PHLDB3: variants seen among roughly 807,000 people sequenced by gnomAD.
PHLDB3 encodes the protein pleckstrin homology like domain family B member 3.
In PHLDB3, 86 loss-of-function variants were observed where a neutral mutation model predicts 85.7. The observed-to-expected ratio is 1.00, with a 90% CI of 0.84 to 1.20. PHLDB3 has a LOEUF of 1.20. Ranked by LOEUF, PHLDB3 falls within the 50% of genes most tolerant of loss-of-function variation. PHLDB3 has a pLI of 0.00. For synonymous variants in PHLDB3, 376 were observed against 349.8 expected (o/e 1.07, Z -0.83); for missense variants, 995 against 873.0 (o/e 1.14, Z -1.76).
intron 4 of PHLDB3, among the ~76,000 whole-genome samples, chr19:43,500,796 G>T (rs1027873690): frequency 6.6e-6 from 1 of 151,560 alleles, no homozygotes; most frequent in Non-Finnish European, 1.5e-5. Flanking sequence ...CACCATGCCT[G>T]GTTAATTTTT....
chr19:43,477,952 G>A (rs573618729), intron 15 of PHLDB3, 95 bp downstream of exon 15: 22 of 885,712 alleles, frequency 2.5e-5, no homozygotes, highest in East Asian at 5.1e-5. Context: ...GAGAAGCTGC[G>A]GGTGGCTTTC....
At chr19:43,475,852 G>C (rs1268520438) in intron 15 of PHLDB3, among the ~76,000 whole-genome samples, 1 of 152,004 alleles carries the variant, frequency 6.6e-6, no homozygotes, top group Non-Finnish European at 1.5e-5. Context: ...CTGGAGTGCA[G>C]TGGCGCAATC....
intron 15 of PHLDB3, 128 bp from the exon 16 acceptor site, chr19:43,475,672 T>G (rs1970913421): frequency 1.7e-6 from 2 of 1,176,394 alleles, no homozygotes; most frequent in African/African-American, 1.5e-5. Context: ...GAATGTCAGT[T>G]TCCCTGTCTT....
intron 2 of PHLDB3, among the ~76,000 whole-genome samples, chr19:43,502,606 G>T (rs111353456): frequency 0.019 from 2,672 of 144,228 alleles, 70 homozygotes; most frequent in African/African-American, 0.062. Context: ...GCACCGCCAC[G>T]CCAAGCTCTT....
chr19:43,486,601 G>A lies in PHLDB3; in HGVS notation c.1428+8C>T. The stretch of plus-strand genomic sequence containing the variant: ...TTCTGTTCCGAAGAGGATGGCCTGG[G>A]CTCTCACCCGGGCCTTGAGCAGCCG... On this transcript the variant is annotated splice_region_variant and intron_variant, in intron 12 of 15. Transcript: ENST00000292140. 1 of 1,611,054 alleles carries A rather than the reference G, an allele frequency of 6.2e-7. No homozygotes were observed. The highest frequency in any genetic ancestry group is 1.1e-5 in the South Asian group (1 of 90,740).
chr19:43,482,432 T>C (rs1971066780), intron 13 of PHLDB3, among the ~76,000 whole-genome samples: 1 of 152,126 alleles, frequency 6.6e-6, no homozygotes, highest in Admixed American at 6.6e-5. Context: ...GCACAAAAGA[T>C]AGCAGGGGTG....
Position 43,486,642 on chromosome 19 carries a change from G to C in PHLDB3, c.1395C>G (p.Ala465=), listed in dbSNP as rs1265020260. The part of the protein sequence containing the change: ...IAHMERLLQQ[A]MAERERLLKA... ...TGAGCAGCCGCTCCCTCTCCGCCATGGCCTGCTGCAGGAGCCGCTCCATGT... is the reference window on the plus strand; with the variant it reads ...TGAGCAGCCGCTCCCTCTCCGCCATCGCCTGCTGCAGGAGCCGCTCCATGT... The change falls in exon 12 of 16, where the codon GCC becomes GCG. Residue 465 remains alanine (A), a synonymous_variant. Transcript: ENST00000292140. 6.2e-7 allele frequency: 1 copy of C among 1,613,818 alleles called. No homozygotes were observed. Among genetic ancestry groups the C allele is most frequent in the Admixed American group, 1.7e-5 (1 of 59,984 alleles).
chr19:43,488,718 G>GA (rs1267861490), intron 9 of PHLDB3, among the ~76,000 whole-genome samples: 1 of 152,142 alleles, frequency 6.6e-6, no homozygotes, highest in African/African-American at 2.4e-5. Context: ...AGTGCCATCT[G>GA]TGCTAGCAAA....
Position 43,501,885 on chromosome 19 carries a change from G to A in PHLDB3, c.397-14C>T, listed in dbSNP as rs887639236. On this transcript the variant is annotated splice_polypyrimidine_tract_variant and intron_variant, in intron 3 of 15. Coordinates refer to ENST00000292140, the MANE Select transcript of PHLDB3 (RefSeq NM_198850.4). ...CTCCACCTCCATCTGCGGAGAGAAT[G>A]CCAGGGCTGGGGGCTCGGACGCCTA... The A allele has an allele frequency of 1.5e-5, 24 of 1,581,862 alleles. No homozygotes were observed. Among genetic ancestry groups the A allele is most frequent in the Non-Finnish European group, 2.1e-5 (24 of 1,164,166 alleles).
In PHLDB3 at chr19:43,503,280, G is replaced by GTCTCTCTCTCTC. The variant is rs57901463; in HGVS notation, c.213+614_213+625dup. 8.9e-3 allele frequency among the ~76,000 whole-genome samples: 1,268 copies of GTCTCTCTCTCTC among 141,912 alleles called. 19 individuals carry two copies. The highest frequency in any genetic ancestry group is 0.011 in the Non-Finnish European group (725 of 65,374). The allele number at this position is 141,912 out of a possible 152,430, so 93.1% of individuals were successfully genotyped here. ...GTAGTCTCTCCTGTCTGTCTATCTG[G>GTCTCTCTCTCTC]TCTCTCTCTCTCTCTCTCTCTCTCT... On this transcript the variant is annotated intron_variant, in intron 2 of 15. Transcript: ENST00000292140.
rs1188789518 is a variant in PHLDB3, at chr19:43,502,252, G to C, written c.245C>G (p.Ala82Gly). The C allele has an allele frequency of 1.3e-6, 2 of 1,559,910 alleles. No individual in the cohort carries two copies. Among genetic ancestry groups the C allele is most frequent in the Admixed American group, 1.9e-5 (1 of 52,600 alleles). Residue 82 changes from alanine (A) to glycine (G), a missense_variant, in exon 3 of 16, where the codon GCC (alanine) becomes GGC (glycine). Ala to Gly is a moderately conservative substitution (Grantham distance 60). Transcript: ENST00000292140. ...CGAAGAGGTGGATGCGGGAGGTGTG[G>C]CCGCCATAGCTATCGGAGGCGTAGC... is the stretch of plus-strand genomic sequence containing the variant. ...PEATPPIAMA[A>G]TPPASTSSRE...
chr19:43,502,614 CTTTTTTTTTTTTTT>C (rs71336869), intron 2 of PHLDB3, among the ~76,000 whole-genome samples: 2 of 114,796 alleles, frequency 1.7e-5, no homozygotes, highest in Non-Finnish European at 3.5e-5. Context: ...ACGCCAAGCT[CTTTTTTTTTTTTTT>C]TTTTTTTGGC....
chr19:43,481,982 C>A (rs754166172), intron 13 of PHLDB3, among the ~76,000 whole-genome samples: 5 of 151,988 alleles, frequency 3.3e-5, no homozygotes, highest in Non-Finnish European at 7.4e-5. Context: ...CCTGCAATCT[C>A]CCCAAATCCA....
chr19:43,502,159 G>A lies in PHLDB3; in HGVS notation c.338C>T (p.Ala113Val), dbSNP rs1351280661. 5.7e-6 allele frequency: 9 copies of A among 1,581,164 alleles called. No individual in the cohort carries two copies. The highest frequency in any genetic ancestry group is 7.7e-6 in the Non-Finnish European group (9 of 1,164,228). ...CTCCTTCACTCGCTGCTCCATCAGG[G>A]CCACACGAGTCAATGCCTCCAGCTG... ...GQQLEALTRV[A>V]LMEQRVKELQ... Residue 113 changes from alanine (A) to valine (V), a missense_variant, in exon 3 of 16, where the codon GCC becomes GTC. Ala to Val is a moderately conservative substitution (Grantham distance 64). Coordinates refer to ENST00000292140, the MANE Select transcript of PHLDB3 (RefSeq NM_198850.4).
chr19:43,486,373 T>C, intron 12 of PHLDB3, 51 bp from the exon 13 acceptor site: 6 of 1,532,500 alleles, frequency 3.9e-6, no homozygotes, highest in African/African-American at 1.4e-5. Flanking sequence ...CATAAGATGG[T>C]AGGGTGGCTG....
chr19:43,502,859 G>C lies in PHLDB3; in HGVS notation c.214-576C>G, dbSNP rs188755284. Among the ~76,000 whole-genome samples, 33 of 152,144 alleles carry C rather than the reference G, an allele frequency of 2.2e-4. No homozygotes were observed. In the East Asian group the frequency reaches 5.8e-3, roughly 27 times the overall value. On this transcript the variant is annotated intron_variant, in intron 2 of 15. Transcript: ENST00000292140. ...TGCAGTACCGTATGGAGGGTGAGCA[G>C]GTGTAAAGCCGACTTATGAAAGGTG...
intron 13 of PHLDB3, 103 bp from the exon 14 acceptor site, chr19:43,479,696 G>A (rs1182416495): frequency 3.3e-5 from 25 of 747,472 alleles, no homozygotes; most frequent in South Asian, 8.5e-5. Flanking sequence ...TGTAAGGCCC[G>A]CTACAGCCTT....
rs1162812216 is a variant in PHLDB3, at chr19:43,478,232, G to A, written c.1703-100C>T. ...GCCCTAAGTCCTGAGACTGGATTTGGGTAAGAAACATGGTGACAAGAGTCT... is the reference window on the plus strand; with the variant it reads ...GCCCTAAGTCCTGAGACTGGATTTGAGTAAGAAACATGGTGACAAGAGTCT... On this transcript the variant is annotated intron_variant, in intron 14 of 15. Coordinates refer to ENST00000292140, the MANE Select transcript of PHLDB3 (RefSeq NM_198850.4). 8.3e-6 allele frequency: 7 copies of A among 846,278 alleles called. No individual in the cohort carries two copies. The Admixed American group carries it at 1.3e-4, about 16-fold the overall frequency. 52.4% of individuals were successfully genotyped at this position (846,278 alleles called of 1,614,324 possible). A position where few individuals can be genotyped will look rare whatever the true frequency, so the allele number is the denominator to read the frequency against.
At chr19:43,497,916 A>G in intron 4 of PHLDB3, 40 bp from the exon 5 acceptor site, 1 of 1,564,886 alleles carries the variant, frequency 6.4e-7, no homozygotes, top group Non-Finnish European at 8.6e-7. Flanking sequence ...GCTTAAGCAT[A>G]GCGGGAGAAG....
Sources: gnomAD v4.1 joint callset for allele counts (sites outside exome capture counted in the v4.1 genomes callset) on GRCh38, gnomAD v4.1.1 for gene constraint, MANE v1.5 for transcripts, NCBI Gene and HGNC (gene_info 2026-07-23, HGNC 2026-07-21) for gene names.